Variants in DNAJC6 observed in about 807,000 individuals in gnomAD.
DNAJC6 encodes the protein auxilin.
In DNAJC6, 34 loss-of-function variants were observed where a neutral mutation model predicts 110.0. That is an observed-to-expected ratio of 0.31 (90% CI 0.24 to 0.41). The LOEUF is 0.41. DNAJC6 is among the 10% of genes least tolerant of loss of function. The pLI is 1.00. For missense variants in DNAJC6, 1,031 were observed against 1,207.8 expected, an observed-to-expected ratio of 0.85 and a Z score of 2.17; for synonymous variants, 406 against 437.2, an observed-to-expected ratio of 0.93 and a Z score of 0.89.
At position 65,379,382 on chromosome 1, in the gene DNAJC6, C is replaced by T. The variant is rs141323659; in HGVS notation, c.544-20C>T. The T allele has an allele frequency of 2.2e-4, 349 of 1,613,224 alleles. 1 individual carries two copies. In the African/African-American group the frequency reaches 4.4e-3, roughly 20 times the overall value. ...GGAAGTTGCTGGAGGAATTAATTTCCTTTTGCTGTGCTCCCTTAGGTCTCA... is the reference window on the plus strand; with the variant it reads ...GGAAGTTGCTGGAGGAATTAATTTCTTTTTGCTGTGCTCCCTTAGGTCTCA... On this transcript the variant is annotated intron_variant, in intron 4 of 18. Coordinates refer to ENST00000371069, the MANE Select transcript of DNAJC6 (RefSeq NM_001256864.2).
chr1:65,393,414 T>C (rs912784631), intron 12 of DNAJC6, among the ~76,000 whole-genome samples: 1 of 152,204 alleles, frequency 6.6e-6, no homozygotes, highest in Non-Finnish European at 1.5e-5. Flanking sequence ...TCCCTCTGTT[T>C]TCCTATAACG....
In DNAJC6 at chr1:65,392,628, C is replaced by T. The variant is rs1262741318; in HGVS notation, c.1666C>T (p.Leu556Phe). 2.5e-6 allele frequency: 4 copies of T among 1,613,678 alleles called. No homozygotes were observed. Among genetic ancestry groups the T allele is most frequent in the Non-Finnish European group, 3.4e-6 (4 of 1,179,860 alleles). Residue 556 changes from leucine to phenylalanine, a missense_variant, in exon 12 of 19, where the codon CTT (leucine) becomes TTT (phenylalanine). Physicochemically the swap from Leu to Phe is conservative, Grantham distance 22 (BLOSUM62 0). Coordinates refer to ENST00000371069, the MANE Select transcript of DNAJC6 (RefSeq NM_001256864.2). ...AAPPPPEDVD[L>F]LGLEGSAMSN... ...CCCTCCACCCCCTGAGGATGTGGAC[C>T]TTTTGGGCCTGGAAGGGTCTGCAAT...
rs768950366 is a variant in DNAJC6 at position 65,389,601 on chromosome 1, G to T, written c.1442G>T (p.Gly481Val). ...AACCCCAGGCATTACGGACAAAGTG[G>T]TTTCTTTGCCTCTCTCTGTTGGCAA... ...PDNPRHYGQS[G>V]FFASLCWQDQ... Residue 481 changes from glycine (G) to valine (V), a missense_variant, in exon 11 of 19, where the codon GGT becomes GTT. By Grantham distance (109) the Gly-to-Val change is moderately radical (BLOSUM62 -3). Coordinates refer to ENST00000371069, the MANE Select transcript of DNAJC6 (RefSeq NM_001256864.2). 1.9e-6 allele frequency: 3 copies of T among 1,613,996 alleles called. No individual in the cohort carries two copies. Among genetic ancestry groups the T allele is most frequent in the Non-Finnish European group, 1.7e-6 (2 of 1,180,010 alleles).
intron 5 of DNAJC6, among the ~76,000 whole-genome samples, chr1:65,383,464 C>T (rs1325179776): frequency 3.3e-5 from 5 of 152,144 alleles, no homozygotes; most frequent in East Asian, 1.9e-4. Flanking sequence ...AACCAAGGTG[C>T]CTGCACTTGT....
At chr1:65,386,078 A>T (rs1405417293) in intron 7 of DNAJC6, among the ~76,000 whole-genome samples, 172 bp downstream of exon 7, 2 of 152,220 alleles carry the variant, frequency 1.3e-5, no homozygotes. Context: ...AAATCAGGGG[A>T]TGTTATGGCC....
chr1:65,301,568 C>T (rs902424234), intron 1 of DNAJC6, among the ~76,000 whole-genome samples: 2 of 152,054 alleles, frequency 1.3e-5, no homozygotes, highest in African/African-American at 2.4e-5. Flanking sequence ...TTTGCTGGAG[C>T]GGCTCACAGA....
intron 1 of DNAJC6, among the ~76,000 whole-genome samples, chr1:65,287,919 G>A (rs907711502): frequency 2.6e-5 from 4 of 152,268 alleles, no homozygotes; most frequent in African/African-American, 9.6e-5. Flanking sequence ...TCTTTTAAAA[G>A]GGTGCCATTA....
At chr1:65,356,762 G>GT (rs939531326) in intron 1 of DNAJC6, among the ~76,000 whole-genome samples, 8 of 151,974 alleles carry the variant, frequency 5.3e-5, no homozygotes, top group African/African-American at 1.9e-4. Flanking sequence ...TGGGGAGTTG[G>GT]TGGGGGGAAG....
At chr1:65,389,764 TA>T in intron 11 of DNAJC6, 137 bp downstream of exon 11, 1 of 911,284 alleles carries the variant, frequency 1.1e-6, no homozygotes, top group Non-Finnish European at 1.7e-6. Flanking sequence ...CTCCCACCTG[TA>T]AGCCCAGCAC....
chr1:65,270,195 A>G (rs1375871339), intron 1 of DNAJC6, among the ~76,000 whole-genome samples: 1 of 152,168 alleles, frequency 6.6e-6, no homozygotes, highest in African/African-American at 2.4e-5. Flanking sequence ...TATGTTTTCT[A>G]ATATAGTCGT....
intron 1 of DNAJC6, among the ~76,000 whole-genome samples, chr1:65,359,159 T>C (rs1645575469): frequency 6.6e-6 from 1 of 152,242 alleles, no homozygotes; most frequent in South Asian, 2.1e-4. Context: ...TAAATGACTA[T>C]TGAATCATCT....
intron 15 of DNAJC6, among the ~76,000 whole-genome samples, chr1:65,403,620 C>T (rs980778860): frequency 2.6e-5 from 4 of 152,176 alleles, no homozygotes; most frequent in South Asian, 2.1e-4. Flanking sequence ...CAAGATGGAG[C>T]ATTTTTTAAA....
At chr1:65,382,859 T>C (rs1645836409) in intron 5 of DNAJC6, among the ~76,000 whole-genome samples, 1 of 152,210 alleles carries the variant, frequency 6.6e-6, no homozygotes, top group South Asian at 2.1e-4. Flanking sequence ...TTAGAAGAAA[T>C]GTGCTAAATG....
intron 9 of DNAJC6, among the ~76,000 whole-genome samples, chr1:65,388,709 G>A (rs1645895133): frequency 1.3e-5 from 2 of 152,240 alleles, no homozygotes; most frequent in African/African-American, 2.4e-5. Flanking sequence ...TTGCATCTGT[G>A]TATCCCCTTG....
chr1:65,287,529 T>TAAG, intron 1 of DNAJC6, among the ~76,000 whole-genome samples: 1 of 152,300 alleles, frequency 6.6e-6, no homozygotes, highest in South Asian at 2.1e-4. Flanking sequence ...TCCATTTTAT[T>TAAG]AAGCTTCAAG....
chr1:65,295,875 C>T (rs1246981217), intron 1 of DNAJC6, among the ~76,000 whole-genome samples: 1 of 152,066 alleles, frequency 6.6e-6, no homozygotes, highest in East Asian at 1.9e-4. Flanking sequence ...GGGAACTGGC[C>T]CCATGGTAAT....
chr1:65,387,804 T>G (rs949738611), intron 8 of DNAJC6, among the ~76,000 whole-genome samples: 2 of 152,350 alleles, frequency 1.3e-5, no homozygotes, highest in East Asian at 1.9e-4. Context: ...GCTAAGTGAG[T>G]GCTTTGTGCC....
intron 11 of DNAJC6, among the ~76,000 whole-genome samples, chr1:65,390,322 C>T (rs1006847081): frequency 1.3e-5 from 2 of 152,174 alleles, no homozygotes; most frequent in Non-Finnish European, 2.9e-5. Flanking sequence ...CCCCAGGGAG[C>T]CTTAACCACT....
chr1:65,314,554 A>G (rs1645131653), intron 1 of DNAJC6, among the ~76,000 whole-genome samples: 1 of 152,010 alleles, frequency 6.6e-6, no homozygotes, highest in African/African-American at 2.4e-5. Flanking sequence ...CAGTGGTGTG[A>G]TCCCGGCTCA....
Sources: allele counts gnomAD v4.1 joint callset (sites outside exome capture counted in the v4.1 genomes callset), GRCh38; gene constraint gnomAD v4.1.1; transcripts MANE v1.5; gene names NCBI Gene and HGNC (gene_info 2026-07-23, HGNC 2026-07-21).